HERC2: variants seen among roughly 807,000 people sequenced by gnomAD.
The protein encoded by HERC2 is HECT and RLD domain containing E3 ubiquitin protein ligase 2.
Under a neutral mutation model 537.7 loss-of-function variants are expected in HERC2, and 102 were observed. That is an observed-to-expected ratio of 0.19 (90% CI 0.16 to 0.22). HERC2 has a LOEUF of 0.22. HERC2 is among the 10% of genes least tolerant of loss of function. HERC2 has a pLI of 1.00. For missense variants in HERC2, 4,236 were observed against 6,198.2 expected (o/e 0.68, Z 10.63); for synonymous variants, 2,224 against 2,466.2 (o/e 0.90, Z 2.91).
chr15:28,179,009 T>C lies in HERC2; in HGVS notation c.9041A>G (p.Tyr3014Cys). 3.1e-6 allele frequency: 5 copies of C among 1,614,126 alleles called. No individual in the cohort carries two copies. The highest frequency in any genetic ancestry group is 4.2e-6 in the Non-Finnish European group (5 of 1,179,964). Residue 3014 changes from tyrosine (Y) to cysteine (C), a missense_variant, in exon 59 of 93, where the codon TAT (tyrosine) becomes TGT (cysteine). Transcript: ENST00000261609. Reference sequence around the variant, plus strand: ...GCCATTCGTGGCTTCTCCACAGGCATACACCTTCCCTTCCACAGTCACTGC... The same window carrying C: ...GCCATTCGTGGCTTCTCCACAGGCACACACCTTCCCTTCCACAGTCACTGC... ...LFAVTVEGKV[Y>C]ACGEATNGRL...
At chr15:28,262,873 A>C in intron 15 of HERC2, 45 bp downstream of exon 15, 1 of 1,571,608 alleles carries the variant, frequency 6.4e-7, no homozygotes, top group South Asian at 1.2e-5. Flanking sequence ...AACATTACTA[A>C]AGAAACTGTC....
chr15:28,286,889 T>C (rs963604005), intron 4 of HERC2, among the ~76,000 whole-genome samples: 5 of 152,052 alleles, frequency 3.3e-5, no homozygotes, highest in African/African-American at 9.7e-5. Flanking sequence ...CACGCTGCAA[T>C]GTTGAGAAGC....
intron 35 of HERC2, among the ~76,000 whole-genome samples, chr15:28,227,385 T>C (rs771631203): frequency 9.9e-5 from 15 of 151,132 alleles, no homozygotes; most frequent in Non-Finnish European, 2.1e-4. Context: ...TCAATGTCAT[T>C]CATCATTAGT....
chr15:28,216,326 G>C (rs1023376207), intron 38 of HERC2, among the ~76,000 whole-genome samples: 7 of 132,432 alleles, frequency 5.3e-5, no homozygotes, highest in African/African-American at 2.1e-4. Flanking sequence ...TTTTTTTTTT[G>C]TATTTTTAGT....
chr15:28,269,830 G>A (rs1326636103), intron 10 of HERC2, among the ~76,000 whole-genome samples: 4 of 152,356 alleles, frequency 2.6e-5, no homozygotes, highest in South Asian at 4.1e-4. Flanking sequence ...CAACTTGTAC[G>A]GGAGCAATCT....
In HERC2 at chr15:28,176,612, A is replaced by C. The variant is rs1566973476; in HGVS notation, c.9515-13T>G. On this transcript the variant is annotated splice_polypyrimidine_tract_variant and intron_variant, in intron 62 of 92. Transcript: ENST00000261609. The surrounding 1 kb of genome is among the most constrained non-coding windows in gnomAD (Gnocchi z 5.0). Reference sequence around the variant, plus strand: ...GAAAATACCAAACCTAGGTTTAAGAAACACATATACTTCAGGCCAGCGTTT... The same window carrying C: ...GAAAATACCAAACCTAGGTTTAAGACACACATATACTTCAGGCCAGCGTTT... The C allele has an allele frequency of 6.2e-7, 1 of 1,614,110 alleles. No homozygotes were observed.
chr15:28,195,131 G>A (rs1374298054), intron 52 of HERC2, among the ~76,000 whole-genome samples: 2 of 151,952 alleles, frequency 1.3e-5, no homozygotes, highest in African/African-American at 4.8e-5. Context: ...GAGAACTAAG[G>A]TTTTTGCATT....
In HERC2 at chr15:28,122,790, G is replaced by A. The variant is rs1351836529; in HGVS notation, c.13188+1247C>T. ...GCCCTCAGCACTCCCCTGCTCTCCT[G>A]CAGCCCCAGCAGGTGCCAGATGCTG... is the stretch of plus-strand genomic sequence containing the variant. On this transcript the variant is annotated intron_variant, in intron 85 of 92. Transcript: ENST00000261609. The surrounding 1 kb of genome is among the most constrained non-coding windows in gnomAD (Gnocchi z 4.1). Among the ~76,000 whole-genome samples, 4 of 152,008 alleles carry A rather than the reference G, an allele frequency of 2.6e-5. No individual in the cohort carries two copies. The highest frequency in any genetic ancestry group is 5.9e-5 in the Non-Finnish European group (4 of 67,996).
chr15:28,131,659 C>G (rs1890120334), intron 81 of HERC2, among the ~76,000 whole-genome samples: 1 of 152,214 alleles, frequency 6.6e-6, no homozygotes, highest in Non-Finnish European at 1.5e-5. Flanking sequence ...TCTCGCTCCT[C>G]ACAGGACACC....
In HERC2 at chr15:28,282,192, A is replaced by G. The variant is rs147606351; in HGVS notation, c.323-1905T>C. Among the ~76,000 whole-genome samples the G allele has an allele frequency of 3.5e-3, 534 of 152,294 alleles. 2 individuals carry two copies. Among genetic ancestry groups the G allele is most frequent in the African/African-American group, 0.012 (505 of 41,556 alleles). On this transcript the variant is annotated intron_variant, in intron 4 of 92. Transcript: ENST00000261609. ...CCAGCGATGAGGTGAAGCACGCCCT[A>G]TCCCTGCCAGAGCAGGGTCACAGAA...
chr15:28,322,090 C>G lies in HERC2; in HGVS notation c.-47G>C, dbSNP rs902190998. 1 of 85,618 alleles carries G rather than the reference C, an allele frequency of 1.2e-5. No individual in the cohort carries two copies. The highest frequency in any genetic ancestry group is 5.6e-5 in the African/African-American group (1 of 17,944). 5.3% of individuals were successfully genotyped at this position (85,618 alleles called of 1,614,324 possible). A position where few individuals can be genotyped will look rare whatever the true frequency, so the allele number is the denominator to read the frequency against. ...AGGCCAGGACCTGACGCGCAGGGCCCGGCCGCCTCGCCTCGCCGGCGCGCG... is the reference window on the plus strand; with the variant it reads ...AGGCCAGGACCTGACGCGCAGGGCCGGGCCGCCTCGCCTCGCCGGCGCGCG... On this transcript the variant is annotated 5_prime_UTR_variant, in exon 1 of 93. Coordinates refer to ENST00000261609, the MANE Select transcript of HERC2 (RefSeq NM_004667.6).
intron 10 of HERC2, 62 bp downstream of exon 10, chr15:28,270,633 T>G (rs575596361): frequency 6.6e-7 from 1 of 1,518,598 alleles, no homozygotes; most frequent in African/African-American, 1.4e-5. Flanking sequence ...GGGCCCAGGA[T>G]GAGAACCTAC....
At chr15:28,243,297 G>C (rs906460484) in intron 23 of HERC2, among the ~76,000 whole-genome samples, 11 of 152,112 alleles carry the variant, frequency 7.2e-5, no homozygotes, top group Admixed American at 2.0e-4. Flanking sequence ...TGAAAGTTAA[G>C]GCAATAAAAC....
chr15:28,183,477 T>C (rs1475700401), intron 56 of HERC2, among the ~76,000 whole-genome samples: 1 of 152,206 alleles, frequency 6.6e-6, no homozygotes, highest in Non-Finnish European at 1.5e-5. Context: ...CCTCCTAAAG[T>C]GCTGGGATTA....
At chr15:28,187,255 A>G (rs1330091205) in intron 55 of HERC2, among the ~76,000 whole-genome samples, 24 of 152,342 alleles carry the variant, frequency 1.6e-4, no homozygotes, top group Admixed American at 1.6e-3. Context: ...ATGGATTATC[A>G]TTAAAAAATT....
At chr15:28,208,486 C>T (rs1301978787) in intron 44 of HERC2, among the ~76,000 whole-genome samples, 7 of 151,934 alleles carry the variant, frequency 4.6e-5, no homozygotes, top group Non-Finnish European at 8.8e-5. Context: ...GTTTCAGATA[C>T]TCCTATACCT....
In HERC2 at chr15:28,218,587, G is replaced by C; in HGVS notation, c.5930C>G (p.Ser1977Cys). The change falls in exon 38 of 93, where the codon TCT becomes TGT. Residue 1977 changes from serine (S) to cysteine (C), a missense_variant. Physicochemically the swap from Ser to Cys is moderately radical, Grantham distance 112 (BLOSUM62 -1). Transcript: ENST00000261609. Reference sequence around the variant, plus strand: ...CATGATCTCAGCATGAACTCCAGCAGACAGACAAAGAGTCTGCAGTAAGTT... The same window carrying C: ...CATGATCTCAGCATGAACTCCAGCACACAGACAAAGAGTCTGCAGTAAGTT... Reference protein sequence around the residue: ...TINLLQTLCLSAGVHAEIMQS... With the variant: ...TINLLQTLCLCAGVHAEIMQS... The C allele has an allele frequency of 1.3e-6, 2 of 1,597,140 alleles. No homozygotes were observed. Among genetic ancestry groups the C allele is most frequent in the Non-Finnish European group, 1.7e-6 (2 of 1,178,772 alleles).
In HERC2 at chr15:28,152,704, A is replaced by G; in HGVS notation, c.10873T>C (p.Ser3625Pro). 1 of 1,551,026 alleles carries G rather than the reference A, an allele frequency of 6.4e-7. No individual in the cohort carries two copies. Among genetic ancestry groups the G allele is most frequent in the South Asian group, 1.2e-5 (1 of 83,868 alleles). ...GGTATCTTCACTGTGCCACTGGTGG[A>G]GGTGTCGTCGGTGTAAGGGTGGCTA... Reference protein sequence around the residue: ...ESSHPYTDDTSTSGTVKIPGA... With the variant: ...ESSHPYTDDTPTSGTVKIPGA... The change falls in exon 70 of 93, where the codon TCC becomes CCC. Residue 3625 changes from serine (S) to proline (P), a missense_variant. By Grantham distance (74) the Ser-to-Pro change is moderately conservative. This residue lies in a region of HERC2 where 356 missense variants were observed against 450.9 expected (regional missense o/e 0.79). Coordinates refer to ENST00000261609, the MANE Select transcript of HERC2 (RefSeq NM_004667.6).
At chr15:28,132,501 G>T in intron 80 of HERC2, 152 bp downstream of exon 80, 1 of 778,824 alleles carries the variant, frequency 1.3e-6, no homozygotes. Context: ...ACATCACCAT[G>T]AAGGCTGTTT....
Sources: gnomAD v4.1 joint callset for allele counts (sites outside exome capture counted in the v4.1 genomes callset) on GRCh38, gnomAD v4.1.1 for gene constraint, gnomAD v4.1.1 regional missense constraint, Gnocchi (gnomAD v3.1) non-coding constraint, MANE v1.5 for transcripts, NCBI Gene and HGNC (gene_info 2026-07-23, HGNC 2026-07-21) for gene names.